Variants in GTF2B observed in about 807,000 individuals in gnomAD.
GTF2B encodes general transcription factor IIB.
GTF2B carries 20 observed loss-of-function variants against 34.6 expected under a neutral mutation model. The observed-to-expected ratio is 0.58, with a 90% confidence interval of 0.41 to 0.84. The LOEUF (loss-of-function observed/expected upper bound fraction) is 0.84, where lower values mean the gene tolerates loss of function less well. GTF2B is among the 40% of genes least tolerant of loss of function. The pLI, the probability that GTF2B is intolerant of heterozygous loss-of-function variation, is 0.00. For synonymous variants in GTF2B, 142 were observed against 132.4 expected, an observed-to-expected ratio of 1.07 and a Z score of -0.50; for missense variants, 237 against 393.3, an observed-to-expected ratio of 0.60 and a Z score of 3.36.
At chr1:88,856,549 C>T (rs896816539) in intron 6 of GTF2B, among the ~76,000 whole-genome samples, 5 of 151,928 alleles carry the variant, frequency 3.3e-5, no homozygotes, top group Admixed American at 2.0e-4. Flanking sequence ...CAAAGCATGG[C>T]CTCCCTGACC....
chr1:88,877,979 G>A (rs1673851673), intron 2 of GTF2B, among the ~76,000 whole-genome samples: 1 of 152,098 alleles, frequency 6.6e-6, no homozygotes, highest in Non-Finnish European at 1.5e-5. Flanking sequence ...TTTCACAGTA[G>A]GAACAACAAA....
chr1:88,857,258 C>A lies in GTF2B; in HGVS notation c.765G>T (p.Ala255=), dbSNP rs540186166. 6.2e-7 allele frequency: 1 copy of A among 1,613,976 alleles called. No homozygotes were observed. The highest frequency in any genetic ancestry group is 1.7e-5 in the Admixed American group (1 of 59,996). Residue 255 remains alanine, a synonymous_variant, in exon 6 of 7, where the codon GCG becomes GCT. Transcript: ENST00000370500. ...CCTGTGAGGCCATGTAAATAGCTGC[C>A]GCTGCCACAGAGATGGGGCTCCTCC... The part of the protein sequence containing the change: ...VPGRSPISVA[A]AAIYMASQAS...
Position 88,853,074 on chromosome 1 carries a change from C to A in GTF2B, c.*139G>T. The stretch of plus-strand genomic sequence containing the variant: ...TTCACTAGTATATACATACAGAATG[C>A]CAAGCAATAGTATTCAGCCCTGGAA... On this transcript the variant is annotated 3_prime_UTR_variant, in exon 7 of 7. Transcript: ENST00000370500. 1 of 751,910 alleles carries A rather than the reference C, an allele frequency of 1.3e-6. No homozygotes were observed. Among genetic ancestry groups the A allele is most frequent in the Non-Finnish European group, 2.4e-6 (1 of 422,750 alleles). The allele number at this position is 751,910 out of a possible 1,614,324, so 46.6% of individuals were successfully genotyped here. A position where few individuals can be genotyped will look rare whatever the true frequency, so the allele number is the denominator to read the frequency against.
chr1:88,853,285 A>G lies in GTF2B; in HGVS notation c.879T>C (p.Tyr293=), dbSNP rs776873508. Residue 293 remains tyrosine (Y), a synonymous_variant, in exon 7 of 7, where the codon TAT becomes TAC. Transcript: ENST00000370500. ...TAGGAAACAGATCTGGGGCTCGAGGATAGATCAGTCTATAGGACTGTCTGA... is the reference window on the plus strand; with the variant it reads ...TAGGAAACAGATCTGGGGCTCGAGGGTAGATCAGTCTATAGGACTGTCTGA... ...VTIRQSYRLI[Y]PRAPDLFPTD... 24 of 1,610,192 alleles carry G rather than the reference A, an allele frequency of 1.5e-5. No homozygotes were observed. Among genetic ancestry groups the G allele is most frequent in the Admixed American group, 1.7e-5 (1 of 60,002 alleles).
Position 88,860,303 on chromosome 1 carries a change from T to C in GTF2B, c.259-17A>G. 6.3e-7 allele frequency: 1 copy of C among 1,582,264 alleles called. No homozygotes were observed. The highest frequency in any genetic ancestry group is 8.6e-7 in the Non-Finnish European group (1 of 1,167,912). On this transcript the variant is annotated splice_polypyrimidine_tract_variant and intron_variant, in intron 3 of 6. Transcript: ENST00000370500. ...TCCTGTGCCCTATAAAACAGTTTTA[T>C]AACTATGAAAAAATTTTTTGGAAAG...
At chr1:88,856,956 ACAC>A (rs1673326979) in intron 6 of GTF2B, among the ~76,000 whole-genome samples, 1 of 151,816 alleles carries the variant, frequency 6.6e-6, no homozygotes, top group South Asian at 2.1e-4. Context: ...CCCCACCACC[ACAC>A]CCAGCTAATT....
In GTF2B at chr1:88,853,148, T is replaced by C; in HGVS notation, c.*65A>G. ...CCTCATGAAAGGCTCAACCCAGCAT[T>C]TTGTATAGGCTATGTACAACAGGCA... is the stretch of plus-strand genomic sequence containing the variant. On this transcript the variant is annotated 3_prime_UTR_variant, in exon 7 of 7. Coordinates refer to ENST00000370500, the MANE Select transcript of GTF2B (RefSeq NM_001514.6). 1 of 1,472,478 alleles carries C rather than the reference T, an allele frequency of 6.8e-7. No individual in the cohort carries two copies. The highest frequency in any genetic ancestry group is 1.7e-4 in the Middle Eastern group (1 of 5,764). The allele number at this position is 1,472,478 out of a possible 1,614,324, so 91.2% of individuals were successfully genotyped here.
intron 5 of GTF2B, among the ~76,000 whole-genome samples, chr1:88,859,057 G>T (rs531704237): frequency 7.6e-4 from 116 of 151,894 alleles, no homozygotes; most frequent in Non-Finnish European, 1.3e-3. Context: ...TAGTAGAGAC[G>T]GGGTTTCACC....
chr1:88,871,683 T>A (rs1283164926), intron 2 of GTF2B, among the ~76,000 whole-genome samples: 1 of 152,214 alleles, frequency 6.6e-6, no homozygotes, highest in Non-Finnish European at 1.5e-5. Context: ...TTTGGCACTG[T>A]ATTTTGGAGA....
intron 2 of GTF2B, among the ~76,000 whole-genome samples, chr1:88,870,541 TTA>T (rs970341547): frequency 2.0e-5 from 3 of 151,442 alleles, no homozygotes; most frequent in African/African-American, 4.9e-5. Context: ...CTAGATTTTT[TTA>T]TGTTAAAAAT....
chr1:88,891,427 G>A, intron 1 of GTF2B, 56 bp downstream of exon 1: 2 of 1,469,226 alleles, frequency 1.4e-6, no homozygotes. Flanking sequence ...CCGCCTAAAA[G>A]CCGGCGGCGC....
intron 2 of GTF2B, among the ~76,000 whole-genome samples, chr1:88,874,497 ATTTTTTT>A (rs56331310): frequency 1.2e-5 from 1 of 83,574 alleles, no homozygotes; most frequent in South Asian, 4.8e-4. Flanking sequence ...AGCTAATTAA[ATTTTTTT>A]TTTTTTTTTT....
At chr1:88,869,608 T>C (rs1195969912) in intron 2 of GTF2B, among the ~76,000 whole-genome samples, 1 of 152,142 alleles carries the variant, frequency 6.6e-6, no homozygotes, top group East Asian at 1.9e-4. Flanking sequence ...TGGGAGTGAT[T>C]GGCAAGTGGC....
chr1:88,863,509 T>C (rs1673490031), intron 3 of GTF2B, among the ~76,000 whole-genome samples: 1 of 152,152 alleles, frequency 6.6e-6, no homozygotes, highest in African/African-American at 2.4e-5. Context: ...CAAGCCTGGC[T>C]AATTTTTCTA....
At chr1:88,872,453 A>AAT (rs1482913614) in intron 2 of GTF2B, among the ~76,000 whole-genome samples, 16 of 77,644 alleles carry the variant, frequency 2.1e-4, no homozygotes, top group Non-Finnish European at 3.7e-4. Context: ...ACTCCATCTC[A>AAT]ATAAAAAAAA....
At chr1:88,870,896 C>CTTTTT (rs1022965980) in intron 2 of GTF2B, among the ~76,000 whole-genome samples, 46 of 109,156 alleles carry the variant, frequency 4.2e-4, no homozygotes, top group South Asian at 8.7e-4. Flanking sequence ...CTTACACAGT[C>CTTTTT]TTTTTTTTTT....
At chr1:88,866,659 C>T (rs534851851) in intron 2 of GTF2B, among the ~76,000 whole-genome samples, 306 of 152,290 alleles carry the variant, frequency 2.0e-3, no homozygotes, top group African/African-American at 7.2e-3. Flanking sequence ...CCACTCACCT[C>T]GGCCTCCCCA....
chr1:88,869,909 C>T lies in GTF2B; in HGVS notation c.125-5795G>A, dbSNP rs61766106. ...AAGTGCTGGGATTACAGGCACAAGC[C>T]ACTGTGCCCAGCCAAAATGACTTTT... On this transcript the variant is annotated intron_variant, in intron 2 of 6. Coordinates refer to ENST00000370500, the MANE Select transcript of GTF2B (RefSeq NM_001514.6). Among the ~76,000 whole-genome samples the T allele has an allele frequency of 2.6e-5, 4 of 152,170 alleles. 1 individual carries two copies. Among genetic ancestry groups the T allele is most frequent in the Admixed American group, 2.0e-4 (3 of 15,284 alleles).
intron 2 of GTF2B, among the ~76,000 whole-genome samples, chr1:88,877,620 CAA>C (rs1290928306): frequency 3.3e-5 from 5 of 152,264 alleles, no homozygotes; most frequent in African/African-American, 1.2e-4. Flanking sequence ...AAAACCCCCA[CAA>C]AAGAGTGCTG....
Sources: allele counts gnomAD v4.1 joint callset (sites outside exome capture counted in the v4.1 genomes callset), GRCh38; gene constraint gnomAD v4.1.1; transcripts MANE v1.5; gene names NCBI Gene and HGNC (gene_info 2026-07-23, HGNC 2026-07-21).